The following SEC22A variants were observed in gnomAD, a reference collection of about 807,000 sequenced individuals.
SEC22A encodes SEC22 homolog A, vesicle trafficking protein, also known as vesicle-trafficking protein SEC22a.
In SEC22A, 22 loss-of-function variants were observed where a neutral mutation model predicts 35.3. The observed-to-expected ratio is 0.62, with a 90% CI of 0.45 to 0.89. SEC22A has a LOEUF of 0.89. SEC22A is among the 40% of genes least tolerant of loss of function. The probability of loss-of-function intolerance (pLI) is 0.00; values close to 1 mark genes in which losing one functional copy is unlikely to be tolerated. For missense variants in SEC22A, 354 were observed against 362.5 expected, an observed-to-expected ratio of 0.98 and a Z score of 0.19; for synonymous variants, 119 against 129.5, an observed-to-expected ratio of 0.92 and a Z score of 0.55.
chr3:123,239,293 C>T (rs1198546941), intron 4 of SEC22A, among the ~76,000 whole-genome samples: 2 of 152,016 alleles, frequency 1.3e-5, no homozygotes, highest in Non-Finnish European at 2.9e-5. Context: ...ATTTTTTTTC[C>T]ACTGTTTTTT....
intron 2 of SEC22A, among the ~76,000 whole-genome samples, chr3:123,222,970 A>T (rs1452652340): frequency 6.6e-6 from 1 of 152,244 alleles, no homozygotes; most frequent in Non-Finnish European, 1.5e-5. Flanking sequence ...AACACTCAGC[A>T]TTCTGCTTTA....
chr3:123,212,523 A>C (rs924126849), intron 2 of SEC22A, among the ~76,000 whole-genome samples: 2 of 152,138 alleles, frequency 1.3e-5, no homozygotes, highest in African/African-American at 4.8e-5. Context: ...TGCTGGACTT[A>C]AACTTTTGCA....
intron 4 of SEC22A, among the ~76,000 whole-genome samples, chr3:123,226,521 T>C (rs907573860): frequency 4.6e-5 from 7 of 152,236 alleles, no homozygotes; most frequent in African/African-American, 1.7e-4. Context: ...TCAGATCTTT[T>C]GCCCATTTTT....
intron 4 of SEC22A, among the ~76,000 whole-genome samples, chr3:123,240,974 C>T (rs1937514366): frequency 1.4e-5 from 2 of 145,460 alleles, no homozygotes; most frequent in South Asian, 4.6e-4. Flanking sequence ...TGCCCACAAG[C>T]CAAATAGATT....
At chr3:123,219,348 A>C (rs558801810) in intron 2 of SEC22A, among the ~76,000 whole-genome samples, 1 of 152,208 alleles carries the variant, frequency 6.6e-6, no homozygotes, top group African/African-American at 2.4e-5. Context: ...AATTTCGGGA[A>C]TAAAATAGAG....
chr3:123,245,485 G>A (rs748894353), intron 4 of SEC22A, among the ~76,000 whole-genome samples: 18 of 152,030 alleles, frequency 1.2e-4, no homozygotes, highest in East Asian at 1.9e-4. Flanking sequence ...ACTTGAGGCC[G>A]GGAGTTCAAG....
At chr3:123,209,849 ACT>A (rs1452089917) in intron 2 of SEC22A, among the ~76,000 whole-genome samples, 3 of 152,268 alleles carry the variant, frequency 2.0e-5, no homozygotes, top group African/African-American at 4.8e-5. Context: ...TGGTCAAGAC[ACT>A]CTCTGAGAGG....
At chr3:123,244,364 G>C (rs1937549932) in intron 4 of SEC22A, among the ~76,000 whole-genome samples, 1 of 152,138 alleles carries the variant, frequency 6.6e-6, no homozygotes, top group African/African-American at 2.4e-5. Flanking sequence ...CAGCAAAGGT[G>C]TACTGTGTTC....
At chr3:123,259,482 T>A in intron 5 of SEC22A, 42 bp from the exon 6 acceptor site, 3 of 1,392,162 alleles carry the variant, frequency 2.2e-6, no homozygotes, top group Admixed American at 1.8e-5. Context: ...GGAAATGGGC[T>A]CCCACCGGAA....
rs577041835 is a variant in SEC22A at position 123,250,365 on chromosome 3, G to A, written c.657+4351G>A. Among the ~76,000 whole-genome samples the A allele has an allele frequency of 6.6e-5, 10 of 152,060 alleles. No homozygotes were observed. In the South Asian group the frequency reaches 1.5e-3, roughly 22 times the overall value. ...GTGGAGGTTGCAGTGAGCCAAGATC[G>A]TGCCACTGCACTCTCAGCCTGGCGA... On this transcript the variant is annotated intron_variant, in intron 5 of 6. Transcript: ENST00000492595.
chr3:123,201,951 G>T lies in SEC22A; in HGVS notation c.-55G>T, dbSNP rs895087194. 2.0e-5 allele frequency: 3 copies of T among 152,688 alleles called. No homozygotes were observed. Among genetic ancestry groups the T allele is most frequent in the Non-Finnish European group, 4.4e-5 (3 of 68,104 alleles). 9.5% of individuals were successfully genotyped at this position (152,688 alleles called of 1,614,324 possible). A position where few individuals can be genotyped will look rare whatever the true frequency, so the allele number is the denominator to read the frequency against. ...CCCAGGCCCCACAATGCACTTCGGG[G>T]CGCGTCACTCGGAGCGGCGGGTCCC... is the stretch of plus-strand genomic sequence containing the variant. On this transcript the variant is annotated 5_prime_UTR_variant, in exon 1 of 7. Transcript: ENST00000492595.
chr3:123,256,777 T>G (rs1937741402), intron 5 of SEC22A, among the ~76,000 whole-genome samples: 1 of 148,934 alleles, frequency 6.7e-6, no homozygotes, highest in Non-Finnish European at 1.5e-5. Flanking sequence ...TTTTTTTTTT[T>G]GAGGTGGATT....
At chr3:123,210,241 CAG>C (rs758173266) in intron 2 of SEC22A, among the ~76,000 whole-genome samples, 47 of 152,148 alleles carry the variant, frequency 3.1e-4, no homozygotes, top group Middle Eastern at 3.2e-3. Flanking sequence ...ATGGAAGACT[CAG>C]AGAAGTTCAG....
intron 4 of SEC22A, among the ~76,000 whole-genome samples, chr3:123,232,324 C>G (rs192535569): frequency 2.6e-5 from 4 of 152,280 alleles, no homozygotes; most frequent in Admixed American, 2.0e-4. Context: ...AAACAACTGT[C>G]TCCCATTAAA....
intron 4 of SEC22A, among the ~76,000 whole-genome samples, chr3:123,225,814 T>C (rs1202870837): frequency 1.3e-5 from 2 of 152,194 alleles, no homozygotes; most frequent in Admixed American, 1.3e-4. Flanking sequence ...CTATATTATG[T>C]ACCCATTAAC....
At chr3:123,240,891 A>G (rs1286188083) in intron 4 of SEC22A, among the ~76,000 whole-genome samples, 1 of 151,948 alleles carries the variant, frequency 6.6e-6, no homozygotes, top group Admixed American at 6.6e-5. Context: ...TGACACTTGT[A>G]TATTTTTCAT....
chr3:123,219,663 G>A (rs960129330), intron 2 of SEC22A, among the ~76,000 whole-genome samples: 4 of 152,148 alleles, frequency 2.6e-5, no homozygotes, highest in Non-Finnish European at 5.9e-5. Flanking sequence ...TAAACTACGT[G>A]GTGCTATTAC....
At chr3:123,248,090 G>A (rs550403367) in intron 5 of SEC22A, among the ~76,000 whole-genome samples, 7 of 152,214 alleles carry the variant, frequency 4.6e-5, no homozygotes, top group African/African-American at 7.2e-5. Flanking sequence ...TTGAAAGAAC[G>A]TACAGCTAAC....
chr3:123,220,203 G>A (rs537736946), intron 2 of SEC22A, among the ~76,000 whole-genome samples: 92 of 152,242 alleles, frequency 6.0e-4, no homozygotes, highest in African/African-American at 2.1e-3. Context: ...TGGAAATACA[G>A]TAAGACTCTG....
Sources: gnomAD v4.1 joint callset for allele counts (sites outside exome capture counted in the v4.1 genomes callset) on GRCh38, gnomAD v4.1.1 for gene constraint, MANE v1.5 for transcripts, NCBI Gene and HGNC (gene_info 2026-07-23, HGNC 2026-07-21) for gene names.